The following WDR90 variants were observed in gnomAD, a reference collection of about 807,000 sequenced individuals.
WDR90 encodes WD repeat domain 90.
In WDR90, 238 loss-of-function variants were observed where a neutral mutation model predicts 195.2. The ratio of observed to expected loss-of-function variants is 1.22; its 90% CI spans 1.10 to 1.36. WDR90 has a LOEUF of 1.36. Among genes scored for constraint, WDR90 ranks in the 40% most tolerant of loss-of-function variants. WDR90 has a pLI of 0.00. For missense variants in WDR90, 2,734 were observed against 2,439.5 expected (o/e 1.12, Z -2.54); for synonymous variants, 1,265 against 1,052.4 (o/e 1.20, Z -3.91).
chr16:650,130 G>A lies in WDR90; in HGVS notation c.242G>A (p.Ser81Asn), dbSNP rs1383296215. The A allele has an allele frequency of 1.2e-6, 2 of 1,613,068 alleles. No individual in the cohort carries two copies. Among genetic ancestry groups the A allele is most frequent in the Non-Finnish European group, 1.7e-6 (2 of 1,179,962 alleles). Residue 81 changes from serine (S) to asparagine (N), a missense_variant, in exon 3 of 41, where the codon AGC (serine) becomes AAC (asparagine). Ser to Asn is a conservative substitution (Grantham distance 46). Transcript: ENST00000293879. ...TATGTGCTCTTTCGGCCCCTGCCCAGCAAGCACTTCGTCATCCACCTCGAT... is the reference window on the plus strand; with the variant it reads ...TATGTGCTCTTTCGGCCCCTGCCCAACAAGCACTTCGTCATCCACCTCGAT... ...YLYVLFRPLP[S>N]KHFVIHLDVS... is the part of the protein sequence containing the mutation.
intron 25 of WDR90, 55 bp from the exon 26 acceptor site, chr16:659,190 G>T: frequency 6.2e-7 from 1 of 1,610,256 alleles, no homozygotes; most frequent in Non-Finnish European, 8.5e-7. Context: ...TCCTGTGTCT[G>T]CCTAGTGGCC....
chr16:652,564 A>G, intron 10 of WDR90, 29 bp downstream of exon 10: 2 of 1,576,720 alleles, frequency 1.3e-6, no homozygotes, highest in African/African-American at 1.4e-5. Flanking sequence ...TGTCCAGAGC[A>G]GCTCTCGTTG....
chr16:663,435 A>G (rs1026605061), intron 34 of WDR90: 9 of 146,476 alleles, frequency 6.1e-5, no homozygotes, highest in Non-Finnish European at 1.0e-4. Context: ...CTCCATCTCA[A>G]AGGAAAAAAA....
At chr16:652,312 T>G in intron 9 of WDR90, 155 bp from the exon 10 acceptor site, 1 of 947,532 alleles carries the variant, frequency 1.1e-6, no homozygotes, top group South Asian at 1.7e-5. Context: ...GAGTCCCAGC[T>G]TCCACCTTAC....
At position 659,066 on chromosome 16, in the gene WDR90, C is replaced by T. The variant is rs757854896; in HGVS notation, c.3012-20C>T. 4 of 1,613,208 alleles carry T rather than the reference C, an allele frequency of 2.5e-6. No homozygotes were observed. Among genetic ancestry groups the T allele is most frequent in the Admixed American group, 3.3e-5 (2 of 60,012 alleles). ...TAGGCCCCCCAGGCCCTCCTGAAACCCTCTCTCCTCCCTCTCCAGCGACCA... is the reference window on the plus strand; with the variant it reads ...TAGGCCCCCCAGGCCCTCCTGAAACTCTCTCTCCTCCCTCTCCAGCGACCA... On this transcript the variant is annotated intron_variant, in intron 24 of 40. Coordinates refer to ENST00000293879, the MANE Select transcript of WDR90 (RefSeq NM_145294.5).
chr16:654,856 C>T, intron 13 of WDR90, 173 bp from the exon 14 acceptor site: 1 of 619,172 alleles, frequency 1.6e-6, no homozygotes. Context: ...CCCAAAGCTT[C>T]AGGATGAGAA....
intron 11 of WDR90, 31 bp from the exon 12 acceptor site, chr16:653,494 C>T: frequency 6.2e-7 from 1 of 1,612,802 alleles, no homozygotes; most frequent in Non-Finnish European, 8.5e-7. Flanking sequence ...CCTGCAGCCC[C>T]TACACCCTCC....
chr16:656,802 T>C lies in WDR90; in HGVS notation c.2273T>C (p.Phe758Ser), dbSNP rs747930419. 1 of 1,613,062 alleles carries C rather than the reference T, an allele frequency of 6.2e-7. No homozygotes were observed. Among genetic ancestry groups the C allele is most frequent in the Non-Finnish European group, 8.5e-7 (1 of 1,179,976 alleles). The change falls in exon 19 of 41, where the codon TTC (phenylalanine) becomes TCC (serine). Residue 758 changes from phenylalanine to serine, a missense_variant. By Grantham distance (155) the Phe-to-Ser change is radical (BLOSUM62 -2). Transcript: ENST00000293879. ...VTFHPTRPTF[F>S]CGFSSGAVRS... ...TTCCACCCCACAAGGCCAACCTTTTTCTGTGGCTTTAGCAGTGGGGCCGTG... is the reference window on the plus strand; with the variant it reads ...TTCCACCCCACAAGGCCAACCTTTTCCTGTGGCTTTAGCAGTGGGGCCGTG...
At chr16:649,451 C>A (rs1241144409) in intron 1 of WDR90, 25 bp downstream of exon 1, 3 of 1,296,190 alleles carry the variant, frequency 2.3e-6, no homozygotes, top group Non-Finnish European at 2.9e-6. Flanking sequence ...GCGGGGGTCC[C>A]GAGGATCCCG....
rs572223867 is a variant in WDR90, at chr16:658,600, G to A, written c.2842G>A (p.Gly948Ser). The A allele has an allele frequency of 1.1e-5, 18 of 1,612,668 alleles. No homozygotes were observed. The highest frequency in any genetic ancestry group is 2.7e-5 in the African/African-American group (2 of 75,050). The change falls in exon 23 of 41, where the codon GGC becomes AGC. Residue 948 changes from glycine (G) to serine (S), a missense_variant. By Grantham distance (56) the Gly-to-Ser change is moderately conservative (BLOSUM62 0). Transcript: ENST00000293879. ...CGCCCGCTTCCTGCTGATTGCCGCC[G>A]GCCGGACCATCAAGGTGTGGGACTA... ...EDARFLLIAA[G>S]RTIKVWDYAT...
chr16:661,216 C>A, intron 29 of WDR90, 44 bp downstream of exon 29: 1 of 1,514,780 alleles, frequency 6.6e-7, no homozygotes, highest in East Asian at 2.4e-5. Context: ...GGCCACCGTG[C>A]CCGGCAGAAC....
rs201566431 is a variant in WDR90, at chr16:659,329, C to G, written c.3137C>G (p.Ser1046Cys). ...RQQVPKPCQA[S>C]PPRLGVCARP... Reference sequence around the variant, plus strand: ...CAGGTCCCCAAGCCATGTCAGGCATCTCCACCACGGCTGGGCGTCTGTGCC... The same window carrying G: ...CAGGTCCCCAAGCCATGTCAGGCATGTCCACCACGGCTGGGCGTCTGTGCC... Residue 1046 changes from serine (S) to cysteine (C), a missense_variant, in exon 26 of 41, where the codon TCT becomes TGT. By Grantham distance (112) the Ser-to-Cys change is moderately radical (BLOSUM62 -1). Coordinates refer to ENST00000293879, the MANE Select transcript of WDR90 (RefSeq NM_145294.5). 24 of 1,597,404 alleles carry G rather than the reference C, an allele frequency of 1.5e-5. No homozygotes were observed. The highest frequency in any genetic ancestry group is 1.9e-5 in the Non-Finnish European group (22 of 1,173,000).
Position 661,152 on chromosome 16 carries a change from G to A in WDR90, c.3493G>A (p.Ala1165Thr). Residue 1165 changes from alanine to threonine, a missense_variant, in exon 29 of 41, where the codon GCC (alanine) becomes ACC (threonine). Coordinates refer to ENST00000293879, the MANE Select transcript of WDR90 (RefSeq NM_145294.5). ...CCACTCTGCGGAGATCTCCACGCTG[G>A]CCCTCAGCCACAGTGCCCAGGTGCC... is the stretch of plus-strand genomic sequence containing the variant. ...SGHSAEISTL[A>T]LSHSAQVLAS... The A allele has an allele frequency of 6.4e-7, 1 of 1,554,510 alleles. No individual in the cohort carries two copies. Among genetic ancestry groups the A allele is most frequent in the South Asian group, 1.2e-5 (1 of 85,774 alleles).
rs370037118 is a variant in WDR90, at chr16:667,551, C to A, written c.5209C>A (p.Arg1737Ser). ...PSARLLFTAA[R>S]NEILVWEVPG... ...CGCCAGGCTGCTCTTCACGGCCGCC[C>A]GCAACGAGATCCTTGTGTGGGAGGT... Residue 1737 changes from arginine to serine, a missense_variant, in exon 41 of 41, where the codon CGC becomes AGC. Coordinates refer to ENST00000293879, the MANE Select transcript of WDR90 (RefSeq NM_145294.5). 6.2e-6 allele frequency: 10 copies of A among 1,611,104 alleles called. No homozygotes were observed. Among genetic ancestry groups the A allele is most frequent in the Non-Finnish European group, 7.6e-6 (9 of 1,179,988 alleles).
rs1318463543 is a variant in WDR90 at position 660,674 on chromosome 16, C to T, written c.3351C>T (p.Ser1117=). 10 of 1,579,448 alleles carry T rather than the reference C, an allele frequency of 6.3e-6. No individual in the cohort carries two copies. The highest frequency in any genetic ancestry group is 3.5e-5 in the South Asian group (3 of 86,420). The change falls in exon 28 of 41, where the codon AGC becomes AGT. Residue 1117 remains serine, a synonymous_variant. Transcript: ENST00000293879. ...WLRLKAVVGY[S]GNGRANMVWR... is the part of the protein sequence containing the mutation. ...GTCTGAAGGCTGTCGTCGGTTACAG[C>T]GGGAATGGGCGGGCCAACATGGTCT...
chr16:653,664 C>T lies in WDR90; in HGVS notation c.1373C>T (p.Ser458Phe), dbSNP rs758080288. 9 of 1,613,380 alleles carry T rather than the reference C, an allele frequency of 5.6e-6. No individual in the cohort carries two copies. The highest frequency in any genetic ancestry group is 7.6e-6 in the Non-Finnish European group (9 of 1,179,968). Reference sequence around the variant, plus strand: ...CGGAGCCCAATGCACGTTGTCTGCTCTCTCAGGTGAGCACAGGTCTGCCCC... The same window carrying T: ...CGGAGCCCAATGCACGTTGTCTGCTTTCTCAGGTGAGCACAGGTCTGCCCC... ...LFRSPMHVVC[S>F]LSFSDSGALL... Residue 458 changes from serine (S) to phenylalanine (F), a missense_variant, in exon 12 of 41, where the codon TCT becomes TTT. Physicochemically the swap from Ser to Phe is radical, Grantham distance 155. Transcript: ENST00000293879.
chr16:661,548 G>C (rs768436117), intron 30 of WDR90, 47 bp downstream of exon 30: 35 of 1,580,538 alleles, frequency 2.2e-5, no homozygotes, highest in Middle Eastern at 1.7e-4. Flanking sequence ...TAGACCCCGG[G>C]GGGGGCTGCA....
At chr16:658,096 C>A (rs2037799951) in intron 21 of WDR90, 87 bp from the exon 22 acceptor site, 2 of 1,526,534 alleles carry the variant, frequency 1.3e-6, no homozygotes, top group Non-Finnish European at 1.8e-6. Context: ...AGTGCGTGTC[C>A]CCGGGACCTC....
rs756527576 is a variant in WDR90 at position 657,893 on chromosome 16, G to T, written c.2604+1G>T. 1.5e-5 allele frequency: 24 copies of T among 1,570,870 alleles called. No individual in the cohort carries two copies. In the East Asian group the frequency reaches 5.6e-4, roughly 36 times the overall value. On this transcript the variant is annotated splice_donor_variant, in intron 21 of 40. Coordinates refer to ENST00000293879, the MANE Select transcript of WDR90 (RefSeq NM_145294.5). LOFTEE classifies it high-confidence loss of function. ...CATGGGCTCGGCCTCCCTTGATGAG[G>T]TGAGTCCGCAGCCCTCCTGGGTCCA... is the stretch of plus-strand genomic sequence containing the variant.
Sources: gnomAD v4.1 joint callset for allele counts on GRCh38, gnomAD v4.1.1 for gene constraint, MANE v1.5 for transcripts, NCBI Gene and HGNC (gene_info 2026-07-23, HGNC 2026-07-21) for gene names.